C14orf132: variants seen among roughly 807,000 people sequenced by gnomAD.
The protein encoded by C14orf132 is uncharacterized protein C14orf132.
Under a neutral mutation model 5.8 loss-of-function variants are expected in C14orf132, and 6 were observed. The ratio of observed to expected loss-of-function variants is 1.03; its 90% CI spans 0.57 to 2.04. The LOEUF (loss-of-function observed/expected upper bound fraction) is 2.04, where lower values mean the gene tolerates loss of function less well. Among genes scored for constraint, C14orf132 ranks in the 30% most tolerant of loss-of-function variants. The probability of loss-of-function intolerance (pLI) is 0.00; values close to 1 mark genes in which losing one functional copy is unlikely to be tolerated. For synonymous variants in C14orf132, 51 were observed against 49.8 expected (o/e 1.02, Z -0.10); for missense variants, 125 against 115.8 (o/e 1.08, Z -0.37).
At chr14:96,068,447 G>A (rs1024029074) in intron 1 of C14orf132, among the ~76,000 whole-genome samples, 1 of 152,144 alleles carries the variant, frequency 6.6e-6, no homozygotes, top group Non-Finnish European at 1.5e-5. Flanking sequence ...ATTCGTGGGC[G>A]CTGATTCCAG....
At position 96,086,947 on chromosome 14, in the gene C14orf132, C is replaced by T; in HGVS notation, c.*212C>T. On this transcript the variant is annotated 3_prime_UTR_variant, in exon 2 of 2. Coordinates refer to ENST00000555004, the MANE Select transcript of C14orf132 (RefSeq NM_001252507.3). Reference sequence around the variant, plus strand: ...GACATGGAAGTATGGGCCTCCTGCCCCTAGAGGCATGACGGGGCAAGGCCT... The same window carrying T: ...GACATGGAAGTATGGGCCTCCTGCCTCTAGAGGCATGACGGGGCAAGGCCT... 1 of 598,360 alleles carries T rather than the reference C, an allele frequency of 1.7e-6. No homozygotes were observed. The allele number at this position is 598,360 out of a possible 1,614,324, so 37.1% of individuals were successfully genotyped here. A position where few individuals can be genotyped will look rare whatever the true frequency, so the allele number is the denominator to read the frequency against.
intron 1 of C14orf132, among the ~76,000 whole-genome samples, chr14:96,044,787 G>A (rs1307221731): frequency 6.6e-6 from 1 of 152,166 alleles, no homozygotes; most frequent in African/African-American, 2.4e-5. Flanking sequence ...TTCTCCCAGT[G>A]TGTCTCTCTG....
Position 96,093,802 on chromosome 14 carries a change from T to C in C14orf132, c.*7067T>C, listed in dbSNP as rs967182991. The C allele has an allele frequency of 1.2e-4, 19 of 152,252 alleles. No homozygotes were observed. Among genetic ancestry groups the C allele is most frequent in the Non-Finnish European group, 2.1e-4 (14 of 68,050 alleles). The allele number at this position is 152,252 out of a possible 1,614,324, so 9.4% of individuals were successfully genotyped here. On this transcript the variant is annotated 3_prime_UTR_variant, in exon 2 of 2. Coordinates refer to ENST00000555004, the MANE Select transcript of C14orf132 (RefSeq NM_001252507.3). Reference sequence around the variant, plus strand: ...TATCTAACCTTAAAAGACGTAAAAATGTATCTGTGAAATCTCACTTTGTTA... The same window carrying C: ...TATCTAACCTTAAAAGACGTAAAAACGTATCTGTGAAATCTCACTTTGTTA...
In C14orf132 at chr14:96,088,916, C is replaced by T. The variant is rs2139689123; in HGVS notation, c.*2181C>T. ...TGGCTGCAGTTTTCCCTATGGAGGCCCCTCAGCCTCCAGCCCTAACATAAA... is the reference window on the plus strand; with the variant it reads ...TGGCTGCAGTTTTCCCTATGGAGGCTCCTCAGCCTCCAGCCCTAACATAAA... On this transcript the variant is annotated 3_prime_UTR_variant, in exon 2 of 2. Coordinates refer to ENST00000555004, the MANE Select transcript of C14orf132 (RefSeq NM_001252507.3). 1 of 152,414 alleles carries T rather than the reference C, an allele frequency of 6.6e-6. No individual in the cohort carries two copies. The highest frequency in any genetic ancestry group is 2.4e-5 in the African/African-American group (1 of 41,590). The allele number at this position is 152,414 out of a possible 1,614,324, so 9.4% of individuals were successfully genotyped here.
chr14:96,047,729 C>G (rs1384306837), intron 1 of C14orf132, among the ~76,000 whole-genome samples: 3 of 152,106 alleles, frequency 2.0e-5, no homozygotes, highest in Non-Finnish European at 4.4e-5. Flanking sequence ...TTTTTAAGAA[C>G]TTTTTTAAAG....
In C14orf132 at chr14:96,049,578, A is replaced by G. The variant is rs185667886; in HGVS notation, c.27+10051A>G. 5.2e-3 allele frequency among the ~76,000 whole-genome samples: 660 copies of G among 125,744 alleles called. 20 individuals are homozygous for G. Among genetic ancestry groups the G allele is most frequent in the African/African-American group, 0.017 (627 of 36,126 alleles). The allele number at this position is 125,744 out of a possible 152,430, so 82.5% of individuals were successfully genotyped here. ...CATATATACGTATATATACATATAT[A>G]CGTATATATATACATATATACGTAT... On this transcript the variant is annotated intron_variant, in intron 1 of 1. Coordinates refer to ENST00000555004, the MANE Select transcript of C14orf132 (RefSeq NM_001252507.3).
intron 1 of C14orf132, among the ~76,000 whole-genome samples, chr14:96,060,711 T>G (rs1269664983): frequency 6.6e-6 from 1 of 152,184 alleles, no homozygotes; most frequent in African/African-American, 2.4e-5. Context: ...CTCTATGCTT[T>G]GGCCAGAGGC....
chr14:96,041,155 A>G (rs1034820305), intron 1 of C14orf132, among the ~76,000 whole-genome samples: 2 of 152,190 alleles, frequency 1.3e-5, no homozygotes, highest in African/African-American at 4.8e-5. Context: ...CACTGGTTAC[A>G]TGCGCAGTAC....
At chr14:96,043,533 C>T (rs1312825905) in intron 1 of C14orf132, among the ~76,000 whole-genome samples, 1 of 152,124 alleles carries the variant, frequency 6.6e-6, no homozygotes, top group African/African-American at 2.4e-5. Flanking sequence ...AATGTTGTTG[C>T]CATTAGAATC....
chr14:96,080,311 A>G (rs1007935651), intron 1 of C14orf132, among the ~76,000 whole-genome samples: 3 of 152,146 alleles, frequency 2.0e-5, no homozygotes, highest in African/African-American at 7.2e-5. Context: ...CACTGGGGAC[A>G]TGGTTGTCTT....
chr14:96,069,378 C>T (rs890729898), intron 1 of C14orf132, among the ~76,000 whole-genome samples: 1 of 149,054 alleles, frequency 6.7e-6, no homozygotes, highest in African/African-American at 2.5e-5. Flanking sequence ...TTCTATAATC[C>T]TGGAATATTG....
At chr14:96,042,723 G>A (rs1449408751) in intron 1 of C14orf132, among the ~76,000 whole-genome samples, 1 of 152,224 alleles carries the variant, frequency 6.6e-6, no homozygotes, top group Non-Finnish European at 1.5e-5. Flanking sequence ...CTGTATGACA[G>A]TGTAAGAGAG....
chr14:96,040,910 C>A (rs1886675977), intron 1 of C14orf132, among the ~76,000 whole-genome samples: 1 of 152,076 alleles, frequency 6.6e-6, no homozygotes, highest in Non-Finnish European at 1.5e-5. Flanking sequence ...TCTGCCTTCC[C>A]CTCTGGATCC....
intron 1 of C14orf132, among the ~76,000 whole-genome samples, chr14:96,079,628 G>A (rs1363841167): frequency 2.0e-5 from 3 of 152,110 alleles, no homozygotes; most frequent in Non-Finnish European, 4.4e-5. Context: ...TGAAAGGATG[G>A]ATGGATGGTA....
intron 1 of C14orf132, among the ~76,000 whole-genome samples, chr14:96,052,815 T>C (rs1007489678): frequency 3.3e-5 from 5 of 152,058 alleles, no homozygotes; most frequent in African/African-American, 1.2e-4. Flanking sequence ...CAGTACCCTC[T>C]TCTTCCTCTG....
chr14:96,081,864 TG>T (rs1888040483), intron 1 of C14orf132, among the ~76,000 whole-genome samples: 1 of 152,202 alleles, frequency 6.6e-6, no homozygotes, highest in African/African-American at 2.4e-5. Context: ...CCTCCCAAAG[TG>T]CTGGGATTAC....
In C14orf132 at chr14:96,086,699, C is replaced by T. The variant is rs756995789; in HGVS notation, c.216C>T (p.Ile72=). Residue 72 remains isoleucine, a synonymous_variant, in exon 2 of 2, where the codon ATC becomes ATT. Transcript: ENST00000555004. Reference sequence around the variant, plus strand: ...CCATCATAGCTACGCTGGGGAACATCGTGGTGGTGGGCGTGGTGTATGCCT... The same window carrying T: ...CCATCATAGCTACGCTGGGGAACATTGTGGTGGTGGGCGTGGTGTATGCCT... ...WIAIIATLGN[I]VVVGVVYAFT... 5.9e-6 allele frequency: 9 copies of T among 1,536,038 alleles called. No individual in the cohort carries two copies. Among genetic ancestry groups the T allele is most frequent in the South Asian group, 3.6e-5 (3 of 84,066 alleles).
At chr14:96,055,454 C>A (rs1164235973) in intron 1 of C14orf132, among the ~76,000 whole-genome samples, 1 of 152,192 alleles carries the variant, frequency 6.6e-6, no homozygotes, top group Non-Finnish European at 1.5e-5. Context: ...CAGAGACTAT[C>A]AAATCCTCTA....
intron 1 of C14orf132, among the ~76,000 whole-genome samples, chr14:96,081,876 A>T (rs1595191180): frequency 1.3e-5 from 2 of 152,324 alleles, no homozygotes; most frequent in South Asian, 4.1e-4. Context: ...CTGGGATTAC[A>T]GGCATGAGTC....
Sources: allele counts gnomAD v4.1 joint callset (sites outside exome capture counted in the v4.1 genomes callset), GRCh38; gene constraint gnomAD v4.1.1; transcripts MANE v1.5; gene names NCBI Gene and HGNC (gene_info 2026-07-23, HGNC 2026-07-21).